Variants in CELF2 observed in about 807,000 individuals in gnomAD.
CELF2 encodes CUG triplet repeat RNA-binding protein 2.
A neutral mutation model predicts 62.6 loss-of-function variants in CELF2; 8 were observed. The observed-to-expected ratio is 0.13, with a 90% confidence interval of 0.07 to 0.23. The LOEUF is 0.23. Ranked by LOEUF, CELF2 falls within the 10% of genes least tolerant of loss-of-function variation. The pLI is 1.00. For missense variants in CELF2, 333 were observed against 671.0 expected, an observed-to-expected ratio of 0.50 and a Z score of 5.56; for synonymous variants, 258 against 250.0, an observed-to-expected ratio of 1.03 and a Z score of -0.30.
At chr10:11,231,895 T>C (rs569151080) in intron 3 of CELF2, among the ~76,000 whole-genome samples, 2 of 152,132 alleles carry the variant, frequency 1.3e-5, no homozygotes, top group Non-Finnish European at 2.9e-5. Flanking sequence ...AATTAAAATC[T>C]TTCATCATCT....
chr10:10,542,964 G>A, the CELF2 span, among the ~76,000 whole-genome samples: 2 of 152,132 alleles, frequency 1.3e-5, no homozygotes, highest in Non-Finnish European at 2.9e-5. Flanking sequence ...TGTATTTTCA[G>A]TCTCTCAGGC....
chr10:10,547,692 A>AGAGAGAGAGAGTGTGTGTGT, the CELF2 span, among the ~76,000 whole-genome samples: 1 of 138,112 alleles, frequency 7.2e-6, no homozygotes, highest in African/African-American at 2.8e-5. Context: ...AGAGAGAGAG[A>AGAGAGAGAGAGTGTGTGTGT]GTGTGTGTGT....
chr10:10,625,005 G>A, the CELF2 span, among the ~76,000 whole-genome samples: 5 of 152,286 alleles, frequency 3.3e-5, no homozygotes, highest in Non-Finnish European at 7.3e-5. Context: ...CTAAGTGGGC[G>A]AGAATATTTC....
chr10:11,142,633 G>A (rs1482664203), intron 1 of CELF2, among the ~76,000 whole-genome samples: 5 of 144,798 alleles, frequency 3.5e-5, no homozygotes, highest in East Asian at 2.0e-4. Flanking sequence ...GCAGTGAGCC[G>A]AGATCATGCC....
At chr10:11,195,362 A>G (rs1242473679) in intron 2 of CELF2, among the ~76,000 whole-genome samples, 1 of 152,214 alleles carries the variant, frequency 6.6e-6, no homozygotes, top group African/African-American at 2.4e-5. Context: ...AGTGAGTAAA[A>G]TGAGGTATTC....
chr10:10,677,647 G>T, the CELF2 span, among the ~76,000 whole-genome samples: 1 of 152,162 alleles, frequency 6.6e-6, no homozygotes. Context: ...AGCTCTCCTT[G>T]AAACCGCATG....
At chr10:10,948,929 A>G (rs1246106789) in intron 2 of CELF2, among the ~76,000 whole-genome samples, 1 of 152,120 alleles carries the variant, frequency 6.6e-6, no homozygotes, top group Non-Finnish European at 1.5e-5. Flanking sequence ...CTAAAAGGTA[A>G]GTTTCCTGCT....
the CELF2 span, among the ~76,000 whole-genome samples, chr10:10,515,183 A>G: frequency 0.042 from 6,329 of 152,188 alleles, 428 homozygotes; most frequent in African/African-American, 0.15. Flanking sequence ...GGAACACCGG[A>G]CTCTACAATG....
the CELF2 span, among the ~76,000 whole-genome samples, chr10:10,678,838 G>A: frequency 6.6e-6 from 1 of 152,168 alleles, no homozygotes; most frequent in Non-Finnish European, 1.5e-5. Context: ...CTGAGCTTTC[G>A]AAGTCATTTA....
intron 1 of CELF2, among the ~76,000 whole-genome samples, chr10:10,906,870 C>A (rs181052035): frequency 5.4e-4 from 82 of 151,974 alleles, no homozygotes; most frequent in African/African-American, 1.9e-3. Context: ...AGGCACAAGC[C>A]GCCACACCCA....
At chr10:10,493,035 C>T in the CELF2 span, among the ~76,000 whole-genome samples, 7,747 of 152,238 alleles carry the variant, frequency 0.051, 267 homozygotes, top group African/African-American at 0.099. Flanking sequence ...TTTTTCTTTA[C>T]AAATTAGCCA....
chr10:10,731,522 T>C, the CELF2 span, among the ~76,000 whole-genome samples: 1 of 152,232 alleles, frequency 6.6e-6, no homozygotes, highest in African/African-American at 2.4e-5. Context: ...AAGTTGTAGA[T>C]AGAAAACTTC....
At chr10:10,795,239 CT>C (rs10551602), upstream of CELF2, among the ~76,000 whole-genome samples, 36,549 of 134,674 alleles carry the variant, frequency 0.27, 4,870 homozygotes, top group East Asian at 0.53. Flanking sequence ...ATGGATTCAA[CT>C]TTTTTTTTTT....
chr10:10,937,698 T>A (rs2046578110), intron 2 of CELF2: 1 of 152,134 alleles, frequency 6.6e-6, no homozygotes, highest in East Asian at 1.9e-4. Flanking sequence ...ATTGACAGAG[T>A]GACAGAAGTT....
chr10:10,947,503 T>G lies in CELF2; in HGVS notation c.89+27504T>G, dbSNP rs1043966826. 1.3e-5 allele frequency: 2 copies of G among 152,662 alleles called. No homozygotes were observed. Among genetic ancestry groups the G allele is most frequent in the African/African-American group, 4.8e-5 (2 of 41,462 alleles). 9.5% of individuals were successfully genotyped at this position (152,662 alleles called of 1,614,324 possible). On this transcript the variant is annotated intron_variant, in intron 2 of 13. Transcript: ENST00000636488. This position sits in a 1 kb window ranked among gnomAD's most constrained non-coding sequence, Gnocchi z 4.1. Reference sequence around the variant, plus strand: ...ATGAAACATCATTTGTAACTGGTGATGGTCAGATTAACATTCCCCGAATTT... The same window carrying G: ...ATGAAACATCATTTGTAACTGGTGAGGGTCAGATTAACATTCCCCGAATTT...
At chr10:10,959,722 C>T (rs2049282850) in intron 2 of CELF2, among the ~76,000 whole-genome samples, 1 of 152,160 alleles carries the variant, frequency 6.6e-6, no homozygotes, top group African/African-American at 2.4e-5. Context: ...AAGGTGCTGT[C>T]ACCGTGTAAG....
intron 1 of CELF2, among the ~76,000 whole-genome samples, chr10:10,843,985 A>G (rs2132587082): frequency 6.6e-6 from 1 of 152,094 alleles, no homozygotes; most frequent in Middle Eastern, 3.4e-3. Context: ...TGAATAAGGG[A>G]AAAATGAATT....
the CELF2 span, among the ~76,000 whole-genome samples, chr10:10,540,237 C>G: frequency 6.6e-6 from 1 of 152,154 alleles, no homozygotes; most frequent in African/African-American, 2.4e-5. Context: ...CATGTCAGCA[C>G]GCAGCATCAG....
the CELF2 span, among the ~76,000 whole-genome samples, chr10:10,603,735 T>G: frequency 6.6e-6 from 1 of 151,932 alleles, no homozygotes; most frequent in African/African-American, 2.4e-5. Flanking sequence ...AGTAGTGAGA[T>G]CTCTAAACAG....
Sources: gnomAD v4.1 joint callset for allele counts (sites outside exome capture counted in the v4.1 genomes callset) on GRCh38, gnomAD v4.1.1 for gene constraint, Gnocchi (gnomAD v3.1) non-coding constraint, MANE v1.5 for transcripts, NCBI Gene and HGNC (gene_info 2026-07-23, HGNC 2026-07-21) for gene names.